The following TMEM116 variants were observed in gnomAD, a reference collection of about 807,000 sequenced individuals.
TMEM116 encodes the protein transmembrane protein 116.
Under a neutral mutation model 44.3 loss-of-function variants are expected in TMEM116, and 38 were observed. The ratio of observed to expected loss-of-function variants is 0.86; its 90% CI spans 0.66 to 1.12. The LOEUF is 1.12. Among genes scored for constraint, TMEM116 ranks in the 50% most tolerant of loss-of-function variants. The pLI, the probability that TMEM116 is intolerant of heterozygous loss-of-function variation, is 0.00. For missense variants in TMEM116, 354 were observed against 401.7 expected (o/e 0.88, Z 1.01); for synonymous variants, 132 against 144.8 (o/e 0.91, Z 0.64).
At chr12:111,947,462 G>A (rs1161794302) in intron 4 of TMEM116, among the ~76,000 whole-genome samples, 1 of 152,096 alleles carries the variant, frequency 6.6e-6, no homozygotes, top group African/African-American at 2.4e-5. Flanking sequence ...ATTGTCAAAA[G>A]GTAAGTGATG....
chr12:111,958,035 C>A (rs1218868986), intron 4 of TMEM116, among the ~76,000 whole-genome samples: 2 of 120,678 alleles, frequency 1.7e-5, no homozygotes, highest in Non-Finnish European at 3.7e-5. Context: ...GGATTAAGGG[C>A]GGTGCAAGAT....
At chr12:111,989,258 T>C (rs544640012) in intron 4 of TMEM116, among the ~76,000 whole-genome samples, 2 of 152,338 alleles carry the variant, frequency 1.3e-5, no homozygotes, top group South Asian at 4.1e-4. Flanking sequence ...GTCATGATGC[T>C]GCTCAATGAA....
intron 4 of TMEM116, among the ~76,000 whole-genome samples, chr12:111,988,389 A>G (rs1238406372): frequency 6.6e-6 from 1 of 152,172 alleles, no homozygotes; most frequent in Non-Finnish European, 1.5e-5. Context: ...GTTTACCACA[A>G]TCTTAAAAAA....
At chr12:111,969,354 T>C (rs1447804149) in intron 4 of TMEM116, among the ~76,000 whole-genome samples, 1 of 149,864 alleles carries the variant, frequency 6.7e-6, no homozygotes, top group Non-Finnish European at 1.5e-5. Flanking sequence ...ATTAAACTGC[T>C]AGAGGCAAAA....
At chr12:112,004,288 A>AT (rs76506669) in intron 2 of TMEM116, among the ~76,000 whole-genome samples, 101 of 141,592 alleles carry the variant, frequency 7.1e-4, no homozygotes, top group Admixed American at 9.3e-4. Context: ...CCCTGCACAT[A>AT]TTTTTTTTTT....
intron 4 of TMEM116, among the ~76,000 whole-genome samples, chr12:111,958,767 AT>A (rs1271719711): frequency 1.3e-5 from 2 of 152,218 alleles, no homozygotes; most frequent in Admixed American, 6.5e-5. Context: ...GATCAACTGA[AT>A]GAAATAAAGT....
chr12:111,977,869 C>T (rs1471486708), intron 4 of TMEM116, among the ~76,000 whole-genome samples: 1 of 151,852 alleles, frequency 6.6e-6, no homozygotes, highest in African/African-American at 2.4e-5. Flanking sequence ...GTAAGACAAA[C>T]TCTTGGGGAG....
intron 4 of TMEM116, among the ~76,000 whole-genome samples, chr12:111,982,671 A>T (rs2076009452): frequency 6.6e-6 from 1 of 152,166 alleles, no homozygotes; most frequent in South Asian, 2.1e-4. Flanking sequence ...AAGTACATGC[A>T]GATACTGGGG....
At chr12:111,966,429 A>C (rs1289329899) in intron 4 of TMEM116, among the ~76,000 whole-genome samples, 1 of 152,188 alleles carries the variant, frequency 6.6e-6, no homozygotes, top group Non-Finnish European at 1.5e-5. Flanking sequence ...CTGTCAACTT[A>C]GATAGGTCAA....
chr12:112,005,406 G>A, intron 1 of TMEM116, 103 bp from the exon 2 acceptor site: 6 of 845,484 alleles, frequency 7.1e-6, no homozygotes, highest in Non-Finnish European at 9.5e-6. Flanking sequence ...TTTCTTCAAA[G>A]CCTAATCTCA....
At chr12:111,970,824 G>A (rs376347564) in intron 4 of TMEM116, among the ~76,000 whole-genome samples, 9 of 151,880 alleles carry the variant, frequency 5.9e-5, no homozygotes, top group Non-Finnish European at 1.0e-4. Flanking sequence ...TGCTGACCTC[G>A]TGATCCGCCC....
intron 5 of TMEM116, among the ~76,000 whole-genome samples, chr12:111,942,187 C>T (rs1192618661): frequency 6.6e-6 from 1 of 152,178 alleles, no homozygotes; most frequent in Non-Finnish European, 1.5e-5. Context: ...ATCCACCCAT[C>T]TTGGCTTCCC....
chr12:111,958,887 G>A (rs540162993), intron 4 of TMEM116, among the ~76,000 whole-genome samples: 1 of 152,304 alleles, frequency 6.6e-6, no homozygotes, highest in South Asian at 2.1e-4. Context: ...GTACCTGAAA[G>A]TGATGGGGAA....
chr12:111,975,984 T>C (rs2075646096), intron 4 of TMEM116, among the ~76,000 whole-genome samples: 1 of 152,004 alleles, frequency 6.6e-6, no homozygotes, highest in Non-Finnish European at 1.5e-5. Context: ...ATTTAAGAAG[T>C]TTTTTTGTTT....
intron 4 of TMEM116, among the ~76,000 whole-genome samples, chr12:111,991,397 G>A (rs967024874): frequency 1.4e-4 from 21 of 151,062 alleles, no homozygotes; most frequent in Non-Finnish European, 2.4e-4. Context: ...GGTGGTGGGC[G>A]CCTGTAGTCC....
rs535888285 is a variant in TMEM116, at chr12:111,986,905, T to C, written c.210+4853A>G. ...TACACCACATATGAAAATCTACAAA[T>C]AGATCAAAGACTTAAATGTAAGACT... On this transcript the variant is annotated intron_variant, in intron 4 of 10. Coordinates refer to ENST00000552374, the MANE Select transcript of TMEM116 (RefSeq NM_001193531.2). Among the ~76,000 whole-genome samples the C allele has an allele frequency of 1.4e-3, 219 of 152,136 alleles. 4 individuals carry two copies. The South Asian group carries it at 0.044, about 31-fold the overall frequency.
chr12:111,939,932 G>GTGTA (rs1373365226), intron 5 of TMEM116, among the ~76,000 whole-genome samples: 1 of 129,292 alleles, frequency 7.7e-6, no homozygotes, highest in South Asian at 2.5e-4. Flanking sequence ...GTGTGTGTGT[G>GTGTA]TGTATGGAGC....
At chr12:111,988,369 G>A (rs1252264813) in intron 4 of TMEM116, among the ~76,000 whole-genome samples, 1 of 152,042 alleles carries the variant, frequency 6.6e-6, no homozygotes, top group East Asian at 1.9e-4. Flanking sequence ...TAAATTTTAC[G>A]TTATGTATAG....
chr12:112,008,017 G>A (rs2077667369), intron 1 of TMEM116, among the ~76,000 whole-genome samples: 1 of 152,148 alleles, frequency 6.6e-6, no homozygotes, highest in African/African-American at 2.4e-5. Context: ...TTTATTTTCA[G>A]TTTTCCTTTA....
Sources: gnomAD v4.1 joint callset for allele counts (sites outside exome capture counted in the v4.1 genomes callset) on GRCh38, gnomAD v4.1.1 for gene constraint, MANE v1.5 for transcripts, NCBI Gene and HGNC (gene_info 2026-07-23, HGNC 2026-07-21) for gene names.